Variants in SPRYD7 observed in about 807,000 individuals in gnomAD.
SPRYD7 encodes the protein SPRY domain containing 7.
A neutral mutation model predicts 23.8 loss-of-function variants in SPRYD7; 14 were observed. That is an observed-to-expected ratio of 0.59 (90% CI 0.39 to 0.92). SPRYD7 has a LOEUF of 0.92. Among genes scored for constraint, SPRYD7 ranks in the 40% least tolerant of loss-of-function variants. The pLI, the probability that SPRYD7 is intolerant of heterozygous loss-of-function variation, is 0.00. For synonymous variants in SPRYD7, 75 were observed against 84.9 expected (o/e 0.88, Z 0.64); for missense variants, 194 against 241.7 (o/e 0.80, Z 1.31).
At position 49,914,279 on chromosome 13, in the gene SPRYD7, T is replaced by C. The variant is rs1443844572; in HGVS notation, c.*784A>G. On this transcript the variant is annotated 3_prime_UTR_variant, in exon 5 of 5. Transcript: ENST00000361840. ...TGTTTAATATAGTATGGTATATTCC[T>C]TAATTACAATTATTTTATTATTCCT... 2 of 153,760 alleles carry C rather than the reference T, an allele frequency of 1.3e-5. No homozygotes were observed. Among genetic ancestry groups the C allele is most frequent in the African/African-American group, 4.8e-5 (2 of 41,446 alleles). 9.5% of individuals were successfully genotyped at this position (153,760 alleles called of 1,614,324 possible).
intron 2 of SPRYD7, among the ~76,000 whole-genome samples, chr13:49,928,420 C>G (rs778460704): frequency 6.6e-6 from 1 of 151,942 alleles, no homozygotes; most frequent in African/African-American, 2.4e-5. Context: ...CCAGCCTGAG[C>G]GACAAAGCCA....
intron 3 of SPRYD7, among the ~76,000 whole-genome samples, chr13:49,924,987 A>G (rs1270748962): frequency 8.2e-6 from 1 of 121,408 alleles, no homozygotes; most frequent in Non-Finnish European, 1.7e-5. Context: ...AAAAAAAAAA[A>G]ATAAATAAAT....
At chr13:49,933,265 A>G (rs1185137682) in intron 1 of SPRYD7, among the ~76,000 whole-genome samples, 1 of 152,144 alleles carries the variant, frequency 6.6e-6, no homozygotes. Flanking sequence ...GACCTAATCA[A>G]CTACAATCAG....
intron 2 of SPRYD7, 91 bp downstream of exon 2, chr13:49,930,927 A>G: frequency 4.0e-6 from 3 of 753,202 alleles, no homozygotes; most frequent in Non-Finnish European, 6.3e-6. Flanking sequence ...GTGCTTTTAT[A>G]TTACCTTCTG....
intron 3 of SPRYD7, among the ~76,000 whole-genome samples, chr13:49,923,389 G>A (rs983160355): frequency 3.3e-5 from 5 of 151,800 alleles, no homozygotes; most frequent in East Asian, 1.9e-4. Flanking sequence ...GATTACAGGC[G>A]CCCGCCACCA....
intron 4 of SPRYD7, among the ~76,000 whole-genome samples, chr13:49,917,510 T>G (rs1955766379): frequency 6.6e-6 from 1 of 152,122 alleles, no homozygotes; most frequent in African/African-American, 2.4e-5. Context: ...TGATCAAGGA[T>G]TAGGGATGGA....
intron 3 of SPRYD7, among the ~76,000 whole-genome samples, chr13:49,924,158 AT>A (rs1317378751): frequency 6.6e-6 from 1 of 150,578 alleles, no homozygotes; most frequent in Non-Finnish European, 1.5e-5. Flanking sequence ...AATTTTTTGT[AT>A]TTTTTTTAGT....
intron 3 of SPRYD7, among the ~76,000 whole-genome samples, chr13:49,923,016 G>A (rs1372773266): frequency 6.6e-6 from 1 of 152,090 alleles, no homozygotes; most frequent in Admixed American, 6.6e-5. Context: ...CCTTTGCTTC[G>A]CTTTAGTTTA....
intron 2 of SPRYD7, among the ~76,000 whole-genome samples, chr13:49,929,131 CCATTGAAAAT>C (rs1216691262): frequency 6.6e-6 from 1 of 152,018 alleles, no homozygotes; most frequent in Non-Finnish European, 1.5e-5. Flanking sequence ...CCACCATGCC[CCATTGAAAAT>C]CATTATTTAA....
chr13:49,925,001 AATAAT>A (rs1955865286), intron 3 of SPRYD7, among the ~76,000 whole-genome samples: 1 of 145,330 alleles, frequency 6.9e-6, no homozygotes, highest in African/African-American at 2.5e-5. Context: ...AATAAATAAT[AATAAT>A]AATAATAATA....
In SPRYD7 at chr13:49,936,222, A is replaced by C; in HGVS notation, c.14T>G (p.Val5Gly). 1.2e-6 allele frequency: 2 copies of C among 1,603,926 alleles called. 1 individual carries two copies. The highest frequency in any genetic ancestry group is 2.2e-5 in the South Asian group (2 of 90,092). ...TCTGCAGCACCGCAGGCAGCACAAC[A>C]CCGAGGTGGCCATCGCGCAGGGACC... The part of the protein sequence containing the change: MATS[V>G]LCCLRCCRDG... Residue 5 changes from valine to glycine, a missense_variant, in exon 1 of 5, where the codon GTG becomes GGG. Transcript: ENST00000361840.
intron 4 of SPRYD7, among the ~76,000 whole-genome samples, chr13:49,921,179 G>A (rs1301968306): frequency 6.6e-6 from 1 of 152,084 alleles, no homozygotes; most frequent in Non-Finnish European, 1.5e-5. Flanking sequence ...TGCTGTTCTT[G>A]TAAAAGTGAG....
rs186202218 is a variant in SPRYD7, at chr13:49,932,547, T to C, written c.107-1413A>G. Among the ~76,000 whole-genome samples, 432 of 152,308 alleles carry C rather than the reference T, an allele frequency of 2.8e-3. 4 individuals carry two copies. The highest frequency in any genetic ancestry group is 9.8e-3 in the African/African-American group (409 of 41,566). On this transcript the variant is annotated intron_variant, in intron 1 of 4. Coordinates refer to ENST00000361840, the MANE Select transcript of SPRYD7 (RefSeq NM_020456.4). ...AATACACAGAATTACATAATTCTAA[T>C]ATGTAAGAAATAGCCCATACACCAA...
intron 1 of SPRYD7, among the ~76,000 whole-genome samples, chr13:49,934,018 G>A (rs1162366436): frequency 2.0e-5 from 3 of 151,236 alleles, no homozygotes; most frequent in Admixed American, 1.3e-4. Flanking sequence ...GACAACCCTC[G>A]GAGAATCACT....
intron 2 of SPRYD7, among the ~76,000 whole-genome samples, chr13:49,929,236 G>T (rs1227455203): frequency 6.6e-6 from 1 of 152,166 alleles, no homozygotes; most frequent in Admixed American, 6.6e-5. Flanking sequence ...CTTCAGCCTA[G>T]AAGCTCAAGG....
chr13:49,915,745 C>T (rs1420821940), intron 4 of SPRYD7, among the ~76,000 whole-genome samples: 2 of 152,126 alleles, frequency 1.3e-5, no homozygotes, highest in East Asian at 1.9e-4. Context: ...TATTTTCAAA[C>T]GTTCACAATA....
At chr13:49,922,066 C>T (rs946355617) in intron 3 of SPRYD7, among the ~76,000 whole-genome samples, 2 of 151,920 alleles carry the variant, frequency 1.3e-5, no homozygotes, top group Non-Finnish European at 2.9e-5. Flanking sequence ...AGAAATAACA[C>T]ATTTCTACAT....
chr13:49,931,597 A>C (rs1011173629), intron 1 of SPRYD7, among the ~76,000 whole-genome samples: 2 of 152,224 alleles, frequency 1.3e-5, no homozygotes, highest in African/African-American at 4.8e-5. Context: ...TAAATATTTA[A>C]TTCACTATTT....
intron 4 of SPRYD7, among the ~76,000 whole-genome samples, chr13:49,919,963 G>A (rs1336849435): frequency 1.3e-5 from 2 of 152,052 alleles, no homozygotes; most frequent in African/African-American, 2.4e-5. Flanking sequence ...GATGAAACCC[G>A]ATTGGTTACA....
Sources: allele counts gnomAD v4.1 joint callset (sites outside exome capture counted in the v4.1 genomes callset), GRCh38; gene constraint gnomAD v4.1.1; transcripts MANE v1.5; gene names NCBI Gene and HGNC (gene_info 2026-07-23, HGNC 2026-07-21).